Variants in FBXW7 observed in about 807,000 individuals in gnomAD.
FBXW7 encodes F-box/WD repeat-containing protein 7.
In FBXW7, 11 loss-of-function variants were observed where a neutral mutation model predicts 86.3. The observed-to-expected ratio is 0.13, with a 90% CI of 0.08 to 0.21. The LOEUF is 0.21. Among genes scored for constraint, FBXW7 ranks in the 10% least tolerant of loss-of-function variants. FBXW7 has a pLI of 1.00. For synonymous variants in FBXW7, 313 were observed against 297.9 expected (o/e 1.05, Z -0.52); for missense variants, 488 against 847.4 (o/e 0.58, Z 5.27).
chr4:152,413,113 A>C (rs1327986460), intron 2 of FBXW7, among the ~76,000 whole-genome samples: 1 of 152,084 alleles, frequency 6.6e-6, no homozygotes, highest in African/African-American at 2.4e-5. Flanking sequence ...AAGTATTGTC[A>C]ATTCTAGTCT....
intron 2 of FBXW7, among the ~76,000 whole-genome samples, chr4:152,433,295 C>A (rs1160145177): frequency 6.6e-6 from 1 of 152,166 alleles, no homozygotes; most frequent in Admixed American, 6.5e-5. Context: ...TAGTTTTCCA[C>A]AGGAATGGTA....
intron 2 of FBXW7, among the ~76,000 whole-genome samples, chr4:152,431,517 T>C (rs1026812766): frequency 2.6e-5 from 4 of 152,234 alleles, no homozygotes. Context: ...GGGATCTGTC[T>C]GCTTCCTGGA....
chr4:152,517,762 C>T (rs1748630656), intron 2 of FBXW7, among the ~76,000 whole-genome samples: 1 of 152,106 alleles, frequency 6.6e-6, no homozygotes, highest in Non-Finnish European at 1.5e-5. Context: ...ATACCGATAT[C>T]GATATTATTT....
intron 2 of FBXW7, among the ~76,000 whole-genome samples, chr4:152,519,165 G>A (rs923446273): frequency 6.6e-6 from 1 of 152,180 alleles, no homozygotes; most frequent in Non-Finnish European, 1.5e-5. Context: ...GGGCGTAGCG[G>A]TGGGCGCCTG....
intron 8 of FBXW7, among the ~76,000 whole-genome samples, chr4:152,332,109 C>CA (rs201224250): frequency 0.015 from 2,256 of 150,966 alleles, 55 homozygotes; most frequent in African/African-American, 0.051. Context: ...AAAACAAAAA[C>CA]AAAAAAAACA....
chr4:152,515,575 A>T (rs1194943553), intron 2 of FBXW7, among the ~76,000 whole-genome samples: 1 of 152,222 alleles, frequency 6.6e-6, no homozygotes, highest in Non-Finnish European at 1.5e-5. Context: ...AATTCTGTAC[A>T]TTTAGTAGTA....
chr4:152,498,827 G>C (rs1397568951), intron 2 of FBXW7, among the ~76,000 whole-genome samples: 1 of 152,042 alleles, frequency 6.6e-6, no homozygotes, highest in East Asian at 1.9e-4. Flanking sequence ...GGCATTCCTG[G>C]TAAGAAAAAA....
chr4:152,479,414 T>C (rs1006442477), intron 2 of FBXW7, among the ~76,000 whole-genome samples: 4 of 152,100 alleles, frequency 2.6e-5, no homozygotes, highest in African/African-American at 9.7e-5. Context: ...CAAATGAAAA[T>C]TTATGTATAA....
intron 4 of FBXW7, among the ~76,000 whole-genome samples, chr4:152,384,912 A>C (rs530717743): frequency 5.9e-5 from 9 of 151,986 alleles, no homozygotes; most frequent in Non-Finnish European, 1.2e-4. Flanking sequence ...CAGAATGAAT[A>C]CTAGGTTCAT....
intron 2 of FBXW7, among the ~76,000 whole-genome samples, chr4:152,415,304 G>A (rs1355635847): frequency 6.6e-6 from 1 of 152,080 alleles, no homozygotes; most frequent in Non-Finnish European, 1.5e-5. Flanking sequence ...TGAATCACTA[G>A]GCAACATTAA....
chr4:152,331,729 A>C (rs561702580), intron 8 of FBXW7, among the ~76,000 whole-genome samples: 4 of 152,234 alleles, frequency 2.6e-5, no homozygotes, highest in African/African-American at 9.6e-5. Context: ...AAACTGATAA[A>C]TTACATACAT....
chr4:152,521,943 C>T (rs748851636), intron 2 of FBXW7, among the ~76,000 whole-genome samples: 15 of 151,444 alleles, frequency 9.9e-5, no homozygotes, highest in Non-Finnish European at 2.2e-4. Context: ...CCTCAGCCTC[C>T]CCAGTAGCTG....
chr4:152,442,091 AG>A (rs1189131775), intron 2 of FBXW7, among the ~76,000 whole-genome samples: 1 of 152,326 alleles, frequency 6.6e-6, no homozygotes, highest in Admixed American at 6.5e-5. Context: ...AGGCACTAAA[AG>A]ATATTGCTTA....
intron 4 of FBXW7, 121 bp downstream of exon 4, chr4:152,411,182 T>C (rs1334110395): frequency 2.3e-6 from 3 of 1,304,864 alleles, no homozygotes; most frequent in African/African-American, 3.0e-5. Context: ...AACTAGTTCA[T>C]TTTATTATTA....
chr4:152,339,586 C>CA (rs1424584816), intron 6 of FBXW7, among the ~76,000 whole-genome samples: 2 of 152,110 alleles, frequency 1.3e-5, no homozygotes, highest in Non-Finnish European at 2.9e-5. Flanking sequence ...ATAGACAATG[C>CA]ATGGACACTA....
intron 5 of FBXW7, among the ~76,000 whole-genome samples, chr4:152,347,279 A>G (rs1043999230): frequency 9.9e-5 from 15 of 152,154 alleles, no homozygotes; most frequent in African/African-American, 7.2e-5. Flanking sequence ...TCCCTCCTAT[A>G]TAACGCCTGT....
At chr4:152,434,395 G>A (rs1243012986) in intron 2 of FBXW7, among the ~76,000 whole-genome samples, 3 of 152,188 alleles carry the variant, frequency 2.0e-5, no homozygotes, top group African/African-American at 7.2e-5. Flanking sequence ...TGGAAAGTGA[G>A]ACGTGCAATA....
intron 11 of FBXW7, among the ~76,000 whole-genome samples, chr4:152,327,212 G>A (rs1729120054): frequency 6.6e-6 from 1 of 151,934 alleles, no homozygotes; most frequent in African/African-American, 2.4e-5. Flanking sequence ...GGAATACAAG[G>A]TCTCTTGATA....
At chr4:152,409,057 C>T (rs1737695902) in intron 4 of FBXW7, among the ~76,000 whole-genome samples, 1 of 152,098 alleles carries the variant, frequency 6.6e-6, no homozygotes, top group Non-Finnish European at 1.5e-5. Context: ...AGAATGCTTT[C>T]AAAGAATAAA....
Sources: gnomAD v4.1 joint callset for allele counts (sites outside exome capture counted in the v4.1 genomes callset) on GRCh38, gnomAD v4.1.1 for gene constraint, MANE v1.5 for transcripts, NCBI Gene and HGNC (gene_info 2026-07-23, HGNC 2026-07-21) for gene names.